The following RIC3 variants were observed in gnomAD, a reference collection of about 807,000 sequenced individuals.
The protein encoded by RIC3 is RIC3 acetylcholine receptor chaperone.
In RIC3, 28 loss-of-function variants were observed where a neutral mutation model predicts 27.3. The ratio of observed to expected loss-of-function variants is 1.02; its 90% CI spans 0.76 to 1.41. RIC3 has a LOEUF of 1.41. Among genes scored for constraint, RIC3 ranks in the 40% most tolerant of loss-of-function variants. The pLI is 0.00. For missense variants in RIC3, 501 were observed against 444.7 expected, an observed-to-expected ratio of 1.13 and a Z score of -1.14; for synonymous variants, 184 against 160.4, an observed-to-expected ratio of 1.15 and a Z score of -1.11.
chr11:8,153,532 T>C (rs1950420970), intron 1 of RIC3: 3 of 349,286 alleles, frequency 8.6e-6, no homozygotes, highest in South Asian at 6.9e-5. Flanking sequence ...GGCACATTAC[T>C]CTTCTCTTTT....
Position 8,110,616 on chromosome 11 carries a change from AG to A in RIC3, c.*81del. The stretch of plus-strand genomic sequence containing the variant: ...CACTTGAACACAGTGAAGAAAGTGC[AG>A]GGCACAGGGCCAAGAAGGAAATCTG... On this transcript the variant is annotated 3_prime_UTR_variant, in exon 6 of 6. Transcript: ENST00000309737. 2 of 1,226,068 alleles carry A rather than the reference AG, an allele frequency of 1.6e-6. No individual in the cohort carries two copies. The highest frequency in any genetic ancestry group is 2.3e-5 in the East Asian group (1 of 43,186). The allele number at this position is 1,226,068 out of a possible 1,614,324, so 75.9% of individuals were successfully genotyped here. A position where few individuals can be genotyped will look rare whatever the true frequency, so the allele number is the denominator to read the frequency against.
chr11:8,099,882 G>A, the RIC3 span, among the ~76,000 whole-genome samples: 3 of 152,338 alleles, frequency 2.0e-5, no homozygotes, highest in African/African-American at 2.4e-5. Flanking sequence ...AAGGAATGGA[G>A]TGGATACCAG....
the RIC3 span, chr11:8,095,654 T>G: frequency 1.9e-6 from 3 of 1,601,496 alleles, no homozygotes; most frequent in African/African-American, 1.3e-5. Context: ...CGTGCCACGA[T>G]GCAGAGGAAG....
intron 5 of RIC3, among the ~76,000 whole-genome samples, chr11:8,112,101 T>A (rs558830856): frequency 1.3e-5 from 2 of 152,324 alleles, no homozygotes; most frequent in East Asian, 3.9e-4. Context: ...GTGGAGACAT[T>A]TCTACATTTA....
chr11:8,147,294 C>T (rs1030086657), intron 1 of RIC3, among the ~76,000 whole-genome samples: 2 of 152,188 alleles, frequency 1.3e-5, no homozygotes, highest in Non-Finnish European at 2.9e-5. Flanking sequence ...CACATGTCGT[C>T]AGGACTTCTT....
At chr11:8,118,422 T>C (rs933693622) in intron 5 of RIC3, among the ~76,000 whole-genome samples, 2 of 145,238 alleles carry the variant, frequency 1.4e-5, no homozygotes, top group South Asian at 4.3e-4. Context: ...ATATTCCTAA[T>C]AATATTCAAG....
At chr11:8,125,915 T>C (rs576896536) in intron 5 of RIC3, among the ~76,000 whole-genome samples, 1 of 152,164 alleles carries the variant, frequency 6.6e-6, no homozygotes, top group Non-Finnish European at 1.5e-5. Flanking sequence ...GCCAGGCACC[T>C]GTAATCTCAG....
At chr11:8,116,312 C>T (rs1322392761) in intron 5 of RIC3, among the ~76,000 whole-genome samples, 1 of 152,162 alleles carries the variant, frequency 6.6e-6, no homozygotes, top group Non-Finnish European at 1.5e-5. Context: ...AACATAAGAC[C>T]TGAAGCTGTA....
intron 4 of RIC3, among the ~76,000 whole-genome samples, chr11:8,135,018 T>C (rs1341894967): frequency 6.6e-6 from 1 of 152,212 alleles, no homozygotes; most frequent in Non-Finnish European, 1.5e-5. Flanking sequence ...TTGTCAATTT[T>C]GGTTTTGTTG....
the RIC3 span, chr11:8,100,713 A>G: frequency 1.3e-6 from 2 of 1,543,484 alleles, no homozygotes; most frequent in Non-Finnish European, 1.8e-6. Context: ...CATGTGAGAA[A>G]GCCCTGGAGG....
chr11:8,097,484 GC>G, the RIC3 span: 1 of 1,606,738 alleles, frequency 6.2e-7, no homozygotes, highest in African/African-American at 1.3e-5. Flanking sequence ...AATCCTAGGG[GC>G]TGAAATGTGA....
Position 8,110,991 on chromosome 11 carries a change from A to G in RIC3, c.817T>C (p.Ser273Pro). ...ERMGMIEEEESDHLGWESLPT... is the reference protein window; with the variant it reads ...ERMGMIEEEEPDHLGWESLPT... The stretch of plus-strand genomic sequence containing the variant: ...AGACTTTCCCAACCCAAATGATCTG[A>G]TTCTTCCTCTTCTATCATTCCCATT... The change falls in exon 6 of 6, where the codon TCA (serine) becomes CCA (proline). Residue 273 changes from serine to proline, a missense_variant. Transcript: ENST00000309737. 6.2e-7 allele frequency: 1 copy of G among 1,614,154 alleles called. No homozygotes were observed. The highest frequency in any genetic ancestry group is 1.3e-5 in the African/African-American group (1 of 75,032).
the RIC3 span, among the ~76,000 whole-genome samples, chr11:8,095,060 G>T: frequency 6.6e-6 from 1 of 152,232 alleles, no homozygotes; most frequent in Non-Finnish European, 1.5e-5. Context: ...AATGATGTAT[G>T]TGAGTTACTG....
At chr11:8,161,575 TCAGTATATTCTTTCTACCCA>T (rs1481413985) in intron 1 of RIC3, among the ~76,000 whole-genome samples, 26 of 152,362 alleles carry the variant, frequency 1.7e-4, no homozygotes, top group Admixed American at 3.9e-4. Flanking sequence ...AGTGGATTCA[TCAGTATATTCTTTCTACCCA>T]CAGCACCACA....
chr11:8,137,428 T>C lies in RIC3; in HGVS notation c.471A>G (p.Thr157=), dbSNP rs1399170351. 3 of 1,614,034 alleles carry C rather than the reference T, an allele frequency of 1.9e-6. No homozygotes were observed. The highest frequency in any genetic ancestry group is 1.3e-5 in the African/African-American group (1 of 74,950). Residue 157 remains threonine, a synonymous_variant, in exon 4 of 6, where the codon ACA becomes ACG. Coordinates refer to ENST00000309737, the MANE Select transcript of RIC3 (RefSeq NM_001206671.4). The stretch of plus-strand genomic sequence containing the variant: ...TGATTAATTTTTCCATGGCTGCTTC[T>C]GTCTCCTTCAGTTTTTCTTGCAGTT... ...LAQLQEKLKE[T]EAAMEKLINR...
intron 2 of RIC3, 88 bp downstream of exon 2, chr11:8,139,879 A>C: frequency 7.9e-6 from 9 of 1,145,292 alleles, no homozygotes; most frequent in Non-Finnish European, 1.0e-5. Context: ...TAATTTTATG[A>C]ACTATAAGAA....
At chr11:8,126,931 G>A (rs753887067) in intron 4 of RIC3, 124 bp from the exon 5 acceptor site, 3 of 1,111,434 alleles carry the variant, frequency 2.7e-6, no homozygotes, top group East Asian at 2.5e-5. Flanking sequence ...AATTATTCTA[G>A]GAATTGATCC....
rs1218941590 is a variant in RIC3 at position 8,140,066 on chromosome 11, T to A, written c.252A>T (p.Gly84=). 1 of 1,614,038 alleles carries A rather than the reference T, an allele frequency of 6.2e-7. No individual in the cohort carries two copies. Among genetic ancestry groups the A allele is most frequent in the African/African-American group, 1.3e-5 (1 of 74,994 alleles). The change falls in exon 2 of 6, where the codon GGA becomes GGT. Residue 84 remains glycine (G), a synonymous_variant. Coordinates refer to ENST00000309737, the MANE Select transcript of RIC3 (RefSeq NM_001206671.4). ...EAFAKAKGSG[G]GAGGGGSGRG... ...TTCCACTACCTCCTCCTCCAGCACC[T>A]CCACCTGATCCTTTGGCCTTTGCAA... is the stretch of plus-strand genomic sequence containing the variant.
chr11:8,097,103 G>T, the RIC3 span: 1 of 1,101,148 alleles, frequency 9.1e-7, no homozygotes, highest in Non-Finnish European at 1.3e-6. Flanking sequence ...GGCTGGCCAG[G>T]CCCCAATCCC....
Sources: gnomAD v4.1 joint callset for allele counts (sites outside exome capture counted in the v4.1 genomes callset) on GRCh38, gnomAD v4.1.1 for gene constraint, MANE v1.5 for transcripts, NCBI Gene and HGNC (gene_info 2026-07-23, HGNC 2026-07-21) for gene names.